The following CNBD2 variants were observed in gnomAD, a reference collection of about 807,000 sequenced individuals.
The protein encoded by CNBD2 is cyclic nucleotide binding domain containing 2, also known as cyclic nucleotide-binding domain-containing protein 2.
CNBD2 carries 64 observed loss-of-function variants against 63.7 expected under a neutral mutation model. The observed-to-expected ratio is 1.00, with a 90% CI of 0.82 to 1.24. The LOEUF (loss-of-function observed/expected upper bound fraction) is 1.24, where lower values mean the gene tolerates loss of function less well. Among genes scored for constraint, CNBD2 ranks in the 50% most tolerant of loss-of-function variants. The pLI is 0.00. For missense variants in CNBD2, 691 were observed against 713.5 expected (o/e 0.97, Z 0.36); for synonymous variants, 229 against 255.4 (o/e 0.90, Z 0.99).
chr20:36,005,016 A>G (rs994573086), intron 8 of CNBD2, among the ~76,000 whole-genome samples: 2 of 152,200 alleles, frequency 1.3e-5, no homozygotes, highest in African/African-American at 4.8e-5. Context: ...TATTATATGC[A>G]TATATCATAA....
At chr20:35,973,769 T>C (rs2061003399) in intron 2 of CNBD2, 1 of 152,160 alleles carries the variant, frequency 6.6e-6, no homozygotes, top group Admixed American at 6.6e-5. Context: ...ATCCCAGTGG[T>C]AGATCATGTG....
upstream of CNBD2, among the ~76,000 whole-genome samples, chr20:35,965,469 C>T (rs1453020895): frequency 3.2e-4 from 49 of 152,158 alleles, no homozygotes; most frequent in Non-Finnish European, 7.4e-5. Flanking sequence ...TGAGCCACCG[C>T]GCTTGGCCGA....
rs199888078 is a variant in CNBD2 at position 35,984,073 on chromosome 20, G to A, written c.499G>A (p.Glu167Lys). ...YLGTVAITKDEDGSSAFLDPH... is the reference protein window; with the variant it reads ...YLGTVAITKDKDGSSAFLDPH... The stretch of plus-strand genomic sequence containing the variant: ...GGGCACAGTTGCAATAACCAAGGAC[G>A]AGGATGGCAGCAGTGCCTTCCTAGA... Residue 167 changes from glutamate (E) to lysine (K), a missense_variant, in exon 5 of 12, where the codon GAG (glutamate) becomes AAG (lysine). Coordinates refer to ENST00000373973, the MANE Select transcript of CNBD2 (RefSeq NM_001365709.1). 142 of 1,613,924 alleles carry A rather than the reference G, an allele frequency of 8.8e-5. No homozygotes were observed. Among genetic ancestry groups the A allele is most frequent in the Admixed American group, 7.0e-4 (42 of 59,990 alleles).
At chr20:35,997,073 G>A (rs984782982) in intron 8 of CNBD2, among the ~76,000 whole-genome samples, 1 of 152,130 alleles carries the variant, frequency 6.6e-6, no homozygotes, top group South Asian at 2.1e-4. Context: ...GGGTAGTATT[G>A]TTTCCATTCA....
At chr20:35,973,742 C>T (rs545749818) in intron 2 of CNBD2, 50 of 152,204 alleles carry the variant, frequency 3.3e-4, no homozygotes, top group Admixed American at 2.6e-3. Flanking sequence ...CTAGAAGGTC[C>T]CAATTTAAAA....
At chr20:35,982,149 G>C (rs918975904) in intron 4 of CNBD2, among the ~76,000 whole-genome samples, 1 of 152,198 alleles carries the variant, frequency 6.6e-6, no homozygotes, top group African/African-American at 2.4e-5. Context: ...GGAGCAGAAG[G>C]TGGCAGTGTG....
At chr20:35,983,924 T>C (rs6058388) in intron 4 of CNBD2, 58 bp from the exon 5 acceptor site, 354,707 of 1,603,848 alleles carry the variant, frequency 0.22, 45,337 homozygotes, top group African/African-American at 0.47. Flanking sequence ...AGAGCTCCTC[T>C]CAGCTTGGAC....
intron 11 of CNBD2, among the ~76,000 whole-genome samples, chr20:36,026,863 T>C (rs771531514): frequency 6.6e-6 from 1 of 152,188 alleles, no homozygotes; most frequent in Non-Finnish European, 1.5e-5. Flanking sequence ...CAGTTACCTG[T>C]TTGCACAGCT....
chr20:36,016,512 G>A (rs1254113466), intron 10 of CNBD2, among the ~76,000 whole-genome samples: 5 of 152,098 alleles, frequency 3.3e-5, no homozygotes, highest in South Asian at 2.1e-4. Flanking sequence ...CCACCAGGCC[G>A]GGCACAGTGG....
At chr20:35,969,631 T>C (rs1193257963) in intron 1 of CNBD2, among the ~76,000 whole-genome samples, 3 of 152,214 alleles carry the variant, frequency 2.0e-5, no homozygotes, top group Non-Finnish European at 4.4e-5. Flanking sequence ...TCATTTCAGC[T>C]TTATCCACAT....
In CNBD2 at chr20:36,011,130, A is replaced by C. The variant is rs372581104; in HGVS notation, c.1149-7A>C. 2.0e-6 allele frequency: 3 copies of C among 1,528,718 alleles called. No homozygotes were observed. The African/African-American group carries it at 4.2e-5, about 21-fold the overall frequency. The allele number at this position is 1,528,718 out of a possible 1,614,324, so 94.7% of individuals were successfully genotyped here. A position where few individuals can be genotyped will look rare whatever the true frequency, so the allele number is the denominator to read the frequency against. On this transcript the variant is annotated splice_region_variant and splice_polypyrimidine_tract_variant and intron_variant, in intron 9 of 11. Transcript: ENST00000373973. ...GATGAGCTCTCTAACAAGCTGTCAC[A>C]TTTCAGATCCAGGCCTGCTCAGTCG...
At chr20:35,979,322 G>C (rs1377826695) in intron 3 of CNBD2, among the ~76,000 whole-genome samples, 4 of 152,204 alleles carry the variant, frequency 2.6e-5, no homozygotes, top group African/African-American at 9.7e-5. Flanking sequence ...TAGGAGTTAT[G>C]ATGAGACTTA....
At chr20:36,025,284 G>A (rs1383559473) in intron 11 of CNBD2, among the ~76,000 whole-genome samples, 1 of 152,110 alleles carries the variant, frequency 6.6e-6, no homozygotes, top group East Asian at 1.9e-4. Flanking sequence ...TGGGAGGTGA[G>A]ACTAAAGGGG....
At chr20:35,978,683 G>A (rs1041499450) in intron 3 of CNBD2, among the ~76,000 whole-genome samples, 1 of 151,972 alleles carries the variant, frequency 6.6e-6, no homozygotes, top group African/African-American at 2.4e-5. Context: ...TAGAGATGAG[G>A]GTCTTGCCAT....
intron 8 of CNBD2, 31 bp from the exon 9 acceptor site, chr20:36,008,266 T>C (rs1203674487): frequency 6.4e-7 from 1 of 1,562,938 alleles, no homozygotes; most frequent in South Asian, 1.2e-5. Context: ...CAAAGATCCA[T>C]AAGTATCTTT....
Position 35,987,531 on chromosome 20 carries a change from A to C in CNBD2, c.853A>C (p.Lys285Gln), listed in dbSNP as rs748027415. The C allele has an allele frequency of 3.1e-6, 5 of 1,614,148 alleles. No homozygotes were observed. Among genetic ancestry groups the C allele is most frequent in the Non-Finnish European group, 1.7e-6 (2 of 1,180,006 alleles). The change falls in exon 7 of 12, where the codon AAG becomes CAG. Residue 285 changes from lysine to glutamine, a missense_variant and splice_region_variant. Physicochemically the swap from Lys to Gln is moderately conservative, Grantham distance 53. Coordinates refer to ENST00000373973, the MANE Select transcript of CNBD2 (RefSeq NM_001365709.1). ...GTCACCCTTCATCATGTTTATCAGC[A>C]AGGTGAAAAGTCTGGGGGTTGGGAT... Reference protein sequence around the residue: ...GESPFIMFISKGSCEVLRLLD... With the variant: ...GESPFIMFISQGSCEVLRLLD...
intron 11 of CNBD2, among the ~76,000 whole-genome samples, chr20:36,027,820 C>T (rs1026864643): frequency 2.6e-5 from 4 of 151,880 alleles, no homozygotes; most frequent in Admixed American, 6.6e-5. Flanking sequence ...GGATTACAGG[C>T]GCCGCCACCA....
intron 10 of CNBD2, among the ~76,000 whole-genome samples, chr20:36,016,776 A>G (rs1440336298): frequency 2.7e-4 from 41 of 149,806 alleles, no homozygotes; most frequent in African/African-American, 9.8e-4. Flanking sequence ...GTGACAGAGT[A>G]AGACTCTGTC....
At position 35,998,151 on chromosome 20, in the gene CNBD2, C is replaced by G. The variant is rs377348242; in HGVS notation, c.970+2999C>G. On this transcript the variant is annotated intron_variant, in intron 8 of 11. Coordinates refer to ENST00000373973, the MANE Select transcript of CNBD2 (RefSeq NM_001365709.1). ...CCACCCCCCAGGTTCGAGCAATTCTCCTGCCTCAGCCTCCCGAGTAGCTGG... is the reference window on the plus strand; with the variant it reads ...CCACCCCCCAGGTTCGAGCAATTCTGCTGCCTCAGCCTCCCGAGTAGCTGG... Among the ~76,000 whole-genome samples, 13 of 150,516 alleles carry G rather than the reference C, an allele frequency of 8.6e-5. No homozygotes were observed. The East Asian group carries it at 1.2e-3, about 14-fold the overall frequency.
Sources: gnomAD v4.1 joint callset for allele counts (sites outside exome capture counted in the v4.1 genomes callset) on GRCh38, gnomAD v4.1.1 for gene constraint, MANE v1.5 for transcripts, NCBI Gene and HGNC (gene_info 2026-07-23, HGNC 2026-07-21) for gene names.